Variants in ANO1 observed in about 807,000 individuals in gnomAD.
The protein encoded by ANO1 is anoctamin-1.
A neutral mutation model predicts 124.0 loss-of-function variants in ANO1; 59 were observed. The ratio of observed to expected loss-of-function variants is 0.48; its 90% CI spans 0.39 to 0.59. The LOEUF (loss-of-function observed/expected upper bound fraction) is 0.59, where lower values mean the gene tolerates loss of function less well. ANO1 is among the 20% of genes least tolerant of loss of function. The pLI is 0.00. For synonymous variants in ANO1, 529 were observed against 532.0 expected, an observed-to-expected ratio of 0.99 and a Z score of 0.08; for missense variants, 1,059 against 1,328.0, an observed-to-expected ratio of 0.80 and a Z score of 3.15.
chr11:70,009,900 T>G (rs997912353), intron 1 of ANO1, among the ~76,000 whole-genome samples: 2 of 152,030 alleles, frequency 1.3e-5, no homozygotes, highest in African/African-American at 4.8e-5. Flanking sequence ...GCACCCAATG[T>G]GTAGTCTTTT....
At chr11:69,994,783 G>A (rs1380257180) in intron 1 of ANO1, among the ~76,000 whole-genome samples, 1 of 152,058 alleles carries the variant, frequency 6.6e-6, no homozygotes, top group African/African-American at 2.4e-5. Flanking sequence ...TTCATGACTT[G>A]TTTCTACATA....
chr11:70,039,283 G>T lies in ANO1; in HGVS notation c.59-39259G>T, dbSNP rs1216549262. On this transcript the variant is annotated intron_variant, in intron 1 of 27. Transcript: ENST00000531349. The stretch of plus-strand genomic sequence containing the variant: ...CCAAACATAAGAAAAAGCAACTAAT[G>T]ATTAAGTACTGTTGCTTTCTTTGGA... 5.3e-5 allele frequency among the ~76,000 whole-genome samples: 8 copies of T among 152,246 alleles called. No individual in the cohort carries two copies. The East Asian group carries it at 1.5e-3, about 29-fold the overall frequency.
At chr11:70,165,674 A>G in intron 20 of ANO1, 104 bp downstream of exon 20, 1 of 873,160 alleles carries the variant, frequency 1.1e-6, no homozygotes. Context: ...CTCAACCAAG[A>G]TGGGGGCACT....
At position 70,005,112 on chromosome 11, in the gene ANO1, C is replaced by CAA. The variant is rs3078420; in HGVS notation, c.58+18961_58+18962dup. 1.9e-4 allele frequency among the ~76,000 whole-genome samples: 26 copies of CAA among 134,988 alleles called. 6 individuals are homozygous for CAA. The highest frequency in any genetic ancestry group is 9.3e-4 in the East Asian group (4 of 4,318). 88.6% of individuals were successfully genotyped at this position (134,988 alleles called of 152,430 possible). On this transcript the variant is annotated intron_variant, in intron 1 of 27. Transcript: ENST00000531349. ...TGGGTGACAGAGCGAGATTCCAACT[C>CAA]AAAAAAAAAAAAAAAATTGGTGACA... is the stretch of plus-strand genomic sequence containing the variant.
At chr11:70,046,482 T>C (rs1274851774) in intron 1 of ANO1, among the ~76,000 whole-genome samples, 3 of 151,912 alleles carry the variant, frequency 2.0e-5, no homozygotes, top group African/African-American at 7.3e-5. Flanking sequence ...AGCAGTAAAG[T>C]GTTTGGAAGA....
intron 6 of ANO1, among the ~76,000 whole-genome samples, chr11:70,110,437 C>T (rs1191205571): frequency 3.9e-5 from 6 of 152,138 alleles, no homozygotes; most frequent in Non-Finnish European, 7.4e-5. Context: ...CCACCTGCCT[C>T]AACCCCCCAA....
intron 1 of ANO1, among the ~76,000 whole-genome samples, chr11:70,030,912 T>C (rs1452347951): frequency 2.0e-5 from 3 of 152,158 alleles, no homozygotes; most frequent in African/African-American, 7.2e-5. Flanking sequence ...TTTTATGCAT[T>C]CACGAGGTTC....
At chr11:70,152,334 CAAAAA>C (rs56895585) in intron 12 of ANO1, 111 bp from the exon 13 acceptor site, 315 of 438,280 alleles carry the variant, frequency 7.2e-4, no homozygotes, top group East Asian at 1.0e-3. Context: ...GACTCCATCT[CAAAAA>C]AAAAAAAAAA....
In ANO1 at chr11:70,186,183, A is replaced by G. The variant is rs1308569484; in HGVS notation, c.2694+488A>G. Reference sequence around the variant, plus strand: ...ACACCTGTAATCCCAGCTACTCAGGAGGCTGAGGCAAGAGAATCACTTGAA... The same window carrying G: ...ACACCTGTAATCCCAGCTACTCAGGGGGCTGAGGCAAGAGAATCACTTGAA... On this transcript the variant is annotated intron_variant, in intron 25 of 25. Transcript: ENST00000355303. 2.6e-5 allele frequency among the ~76,000 whole-genome samples: 4 copies of G among 152,174 alleles called. No individual in the cohort carries two copies. The East Asian group carries it at 7.7e-4, about 29-fold the overall frequency.
Position 70,187,969 on chromosome 11 carries a change from GC to G in ANO1, c.2931del (p.Ser978AlafsTer23). ...CTGCCCAGACAGCCTCGGCAGCCCAGCCCCCAGCCATGCCTACCACGGGGGC... is the reference window on the plus strand; with the variant it reads ...CTGCCCAGACAGCCTCGGCAGCCCAGCCCCAGCCATGCCTACCACGGGGGC... ...KACPDSLGSP[A>X]PSHAYHGGVL On this transcript the variant is annotated frameshift_variant, in exon 26 of 26. Transcript: ENST00000355303. LOFTEE classifies it high-confidence loss of function. 1.9e-6 allele frequency: 3 copies of G among 1,571,638 alleles called. No homozygotes were observed. The highest frequency in any genetic ancestry group is 2.6e-6 in the Non-Finnish European group (3 of 1,159,346).
chr11:69,973,891 T>C, the ANO1 span, among the ~76,000 whole-genome samples: 1 of 151,444 alleles, frequency 6.6e-6, no homozygotes, highest in East Asian at 2.0e-4. Context: ...AAAATTGGAT[T>C]CCTTCTGGTT....
intron 1 of ANO1, among the ~76,000 whole-genome samples, chr11:69,994,611 T>C (rs1443672828): frequency 6.6e-6 from 1 of 152,214 alleles, no homozygotes; most frequent in Non-Finnish European, 1.5e-5. Context: ...GCTAACTCTC[T>C]TCAATACTTG....
At chr11:70,084,418 C>G (rs192794917) in intron 1 of ANO1, among the ~76,000 whole-genome samples, 1 of 152,244 alleles carries the variant, frequency 6.6e-6, no homozygotes, top group African/African-American at 2.4e-5. Context: ...GGTGCCTGGC[C>G]CCAGAATTAG....
At chr11:70,178,176 C>G (rs568683155) in intron 22 of ANO1, among the ~76,000 whole-genome samples, 6 of 152,222 alleles carry the variant, frequency 3.9e-5, no homozygotes, top group Admixed American at 3.9e-4. Flanking sequence ...CTTAGGAGCT[C>G]GGAGTCCACG....
At chr11:70,077,723 TCCAACC>T (rs2044080581), upstream of ANO1, among the ~76,000 whole-genome samples, 1 of 152,314 alleles carries the variant, frequency 6.6e-6, no homozygotes, top group Admixed American at 6.5e-5. Context: ...GGACCCGCAT[TCCAACC>T]TTGCAGGTGC....
chr11:70,061,626 A>G (rs1285904406), intron 1 of ANO1, among the ~76,000 whole-genome samples: 27 of 151,858 alleles, frequency 1.8e-4, no homozygotes, highest in Admixed American at 1.1e-3. Flanking sequence ...TCTAGCAGCT[A>G]CCTATAGCAG....
intron 12 of ANO1, among the ~76,000 whole-genome samples, chr11:70,151,686 C>T (rs1224502476): frequency 6.6e-6 from 1 of 152,094 alleles, no homozygotes; most frequent in South Asian, 2.1e-4. Flanking sequence ...AATGAATTTC[C>T]CAAAGTGAGC....
At chr11:70,038,472 G>T (rs1555004672) in intron 1 of ANO1, among the ~76,000 whole-genome samples, 1 of 152,194 alleles carries the variant, frequency 6.6e-6, no homozygotes, top group Non-Finnish European at 1.5e-5. Flanking sequence ...AAGACTGCTA[G>T]TGAGCAGCAC....
chr11:70,031,040 G>C (rs1034841662), intron 1 of ANO1, among the ~76,000 whole-genome samples: 1 of 152,178 alleles, frequency 6.6e-6, no homozygotes, highest in South Asian at 2.1e-4. Context: ...TGCCTCCTGG[G>C]TTCAAGTGAT....
Sources: allele counts gnomAD v4.1 joint callset (sites outside exome capture counted in the v4.1 genomes callset), GRCh38; gene constraint gnomAD v4.1.1; transcripts MANE v1.5; gene names NCBI Gene and HGNC (gene_info 2026-07-23, HGNC 2026-07-21).